Variants in ARHGAP17 observed in about 807,000 individuals in gnomAD.
The protein encoded by ARHGAP17 is Rho GTPase activating protein 17, also known as rho GTPase-activating protein 17.
ARHGAP17 carries 57 observed loss-of-function variants against 99.5 expected under a neutral mutation model. The ratio of observed to expected loss-of-function variants is 0.57; its 90% confidence interval spans 0.46 to 0.71. The LOEUF is 0.71. Among genes scored for constraint, ARHGAP17 ranks in the 30% least tolerant of loss-of-function variants. The probability of loss-of-function intolerance (pLI) is 0.00; values close to 1 mark genes in which losing one functional copy is unlikely to be tolerated. For synonymous variants in ARHGAP17, 417 were observed against 429.6 expected (o/e 0.97, Z 0.36); for missense variants, 1,000 against 1,122.4 (o/e 0.89, Z 1.56).
At chr16:24,979,641 G>T (rs2052615609) in intron 1 of ARHGAP17, among the ~76,000 whole-genome samples, 3 of 152,084 alleles carry the variant, frequency 2.0e-5, no homozygotes, top group Admixed American at 6.6e-5. Flanking sequence ...ACGGTGGCCA[G>T]CAATCAGAAG....
At chr16:24,954,499 T>C in intron 10 of ARHGAP17, 104 bp downstream of exon 10, 1 of 1,459,078 alleles carries the variant, frequency 6.9e-7, no homozygotes, top group Non-Finnish European at 9.2e-7. Flanking sequence ...ACAATGGCTG[T>C]ATAACTAAGC....
At chr16:24,981,011 A>T (rs529845202) in intron 1 of ARHGAP17, among the ~76,000 whole-genome samples, 1 of 152,348 alleles carries the variant, frequency 6.6e-6, no homozygotes, top group East Asian at 1.9e-4. Flanking sequence ...ATTATTTTTT[A>T]AAAAATAACA....
intron 19 of ARHGAP17, 170 bp downstream of exon 19, chr16:24,930,614 C>T: frequency 9.0e-7 from 1 of 1,107,734 alleles, no homozygotes; most frequent in Non-Finnish European, 1.4e-6. Flanking sequence ...ATGGGTGTAG[C>T]TGTGTTCCAA....
chr16:24,983,770 C>T lies in ARHGAP17; in HGVS notation c.54-4765G>A, dbSNP rs372714446. Among the ~76,000 whole-genome samples, 72 of 152,316 alleles carry T rather than the reference C, an allele frequency of 4.7e-4. 1 individual carries two copies. The South Asian group carries it at 0.013, about 28-fold the overall frequency. On this transcript the variant is annotated intron_variant, in intron 1 of 19. Coordinates refer to ENST00000289968, the MANE Select transcript of ARHGAP17 (RefSeq NM_001006634.3). ...ACGAATCAGGAAGGAACTTCCCACT[C>T]GCCATTTTACTCTGGGGTTTGTTTT...
chr16:24,935,462 C>T lies in ARHGAP17; in HGVS notation c.1894+8G>A, dbSNP rs749332825. ...TCCCTGAGGGCAAGGAGGACGGTGG[C>T]TGCTTACCTCGGCGCAGTGTATGCG... On this transcript the variant is annotated splice_region_variant and intron_variant, in intron 18 of 19. Transcript: ENST00000289968. 45 of 1,580,116 alleles carry T rather than the reference C, an allele frequency of 2.8e-5. No homozygotes were observed. The highest frequency in any genetic ancestry group is 3.8e-5 in the Non-Finnish European group (44 of 1,162,388).
chr16:24,939,773 A>G, intron 16 of ARHGAP17, 176 bp from the exon 17 acceptor site: 1 of 662,080 alleles, frequency 1.5e-6, no homozygotes, highest in South Asian at 1.8e-5. Context: ...ACTCGGCTTC[A>G]AGCCTGAGCA....
At chr16:24,925,378 C>CA (rs1364378167) in intron 19 of ARHGAP17, among the ~76,000 whole-genome samples, 1 of 151,952 alleles carries the variant, frequency 6.6e-6, no homozygotes, top group Non-Finnish European at 1.5e-5. Context: ...GACTCTGTCT[C>CA]AAAAAATACA....
rs538300487 is a variant in ARHGAP17 at position 25,013,513 on chromosome 16, T to C, written c.53+1696A>G. 1.3e-4 allele frequency among the ~76,000 whole-genome samples: 19 copies of C among 151,762 alleles called. No homozygotes were observed. The East Asian group carries it at 2.5e-3, about 20-fold the overall frequency. On this transcript the variant is annotated intron_variant, in intron 1 of 19. Transcript: ENST00000289968. ...GTGCCCACCTGTAGTTCCAACCACA[T>C]AGGTGGCTGAGGCGAGAGGGTCGCT...
At chr16:24,937,732 G>A (rs553827444) in intron 17 of ARHGAP17, among the ~76,000 whole-genome samples, 40 of 152,216 alleles carry the variant, frequency 2.6e-4, no homozygotes, top group Non-Finnish European at 4.6e-4. Context: ...CCTATCTCAC[G>A]AGCAGCTTCA....
intron 12 of ARHGAP17, 21 bp downstream of exon 12, chr16:24,952,268 C>G (rs2051667878): frequency 6.3e-7 from 1 of 1,581,802 alleles, no homozygotes; most frequent in Non-Finnish European, 8.7e-7. Context: ...ACATTTACAA[C>G]TCTGTGTTCT....
chr16:25,003,684 A>G (rs12925307), intron 1 of ARHGAP17, among the ~76,000 whole-genome samples: 5,823 of 151,730 alleles, frequency 0.038, 362 homozygotes, highest in African/African-American at 0.13. Flanking sequence ...ATTAGCCGGG[A>G]GTGGTAGTGC....
chr16:25,015,139 T>TGC, intron 1 of ARHGAP17, 70 bp downstream of exon 1: 12 of 1,195,752 alleles, frequency 1.0e-5, no homozygotes, highest in Middle Eastern at 3.4e-4. Context: ...GGAGGAGCCG[T>TGC]CCCGCCCCCG....
chr16:24,933,534 G>T (rs1242336889), intron 18 of ARHGAP17, among the ~76,000 whole-genome samples: 4 of 151,842 alleles, frequency 2.6e-5, no homozygotes, highest in Non-Finnish European at 5.9e-5. Context: ...AGTCTACTCT[G>T]CTACACTGGT....
chr16:24,962,123 C>T (rs1015360169), intron 7 of ARHGAP17, among the ~76,000 whole-genome samples: 1 of 151,224 alleles, frequency 6.6e-6, no homozygotes, highest in African/African-American at 2.4e-5. Flanking sequence ...AAGTAAATTC[C>T]TTGATTCCCC....
intron 10 of ARHGAP17, among the ~76,000 whole-genome samples, chr16:24,953,807 AGACCTT>A (rs1186779674): frequency 6.6e-6 from 1 of 152,206 alleles, no homozygotes; most frequent in Admixed American, 6.5e-5. Context: ...AAATACCTCC[AGACCTT>A]GACAAATGTC....
chr16:24,970,651 ATCAT>A, intron 3 of ARHGAP17, 71 bp from the exon 4 acceptor site: 1 of 1,416,728 alleles, frequency 7.1e-7, no homozygotes, highest in Non-Finnish European at 1.0e-6. Context: ...TTTTCAGATC[ATCAT>A]TCATTAATTT....
In ARHGAP17 at chr16:25,015,363, G is replaced by A; in HGVS notation, c.-102C>T. On this transcript the variant is annotated 5_prime_UTR_variant, in exon 1 of 20. Transcript: ENST00000289968. ...TCCCGGCCCAAACGGCGGCGCGGCGGTGGCTCCCCGGGCCGGCGGCCCCGC... is the reference window on the plus strand; with the variant it reads ...TCCCGGCCCAAACGGCGGCGCGGCGATGGCTCCCCGGGCCGGCGGCCCCGC... 2.7e-6 allele frequency: 3 copies of A among 1,103,372 alleles called. No individual in the cohort carries two copies. The highest frequency in any genetic ancestry group is 1.1e-6 in the Non-Finnish European group (1 of 876,628). The allele number at this position is 1,103,372 out of a possible 1,614,324, so 68.3% of individuals were successfully genotyped here.
At chr16:24,991,309 T>C (rs1010805919) in intron 1 of ARHGAP17, among the ~76,000 whole-genome samples, 1 of 152,224 alleles carries the variant, frequency 6.6e-6, no homozygotes, top group Admixed American at 6.5e-5. Context: ...TTAACGTGTT[T>C]CGTGGCACCT....
At chr16:24,997,078 T>C (rs1450884621) in intron 1 of ARHGAP17, among the ~76,000 whole-genome samples, 3 of 152,252 alleles carry the variant, frequency 2.0e-5, no homozygotes, top group African/African-American at 7.2e-5. Context: ...CAACTTGGAC[T>C]AGCGCAAGGT....
Sources: allele counts gnomAD v4.1 joint callset (sites outside exome capture counted in the v4.1 genomes callset), GRCh38; gene constraint gnomAD v4.1.1; transcripts MANE v1.5; gene names NCBI Gene and HGNC (gene_info 2026-07-23, HGNC 2026-07-21).